The following CIAO3 variants were observed in gnomAD, a reference collection of about 807,000 sequenced individuals.
The protein encoded by CIAO3 is cytosolic iron-sulfur assembly component 3, also known as LET1 like/JFP15.
CIAO3 carries 45 observed loss-of-function variants against 51.5 expected under a neutral mutation model. The observed-to-expected ratio is 0.87, with a 90% CI of 0.69 to 1.12. The LOEUF is 1.12. CIAO3 is among the 50% of genes most tolerant of loss of function. CIAO3 has a pLI of 0.00. For synonymous variants in CIAO3, 314 were observed against 269.3 expected (o/e 1.17, Z -1.63); for missense variants, 668 against 632.5 (o/e 1.06, Z -0.60).
intron 2 of CIAO3, chr16:739,293 T>C (rs2041368897): frequency 7.2e-6 from 2 of 277,740 alleles, no homozygotes; most frequent in South Asian, 3.3e-5. Flanking sequence ...AGGGAGACTC[T>C]GTATCAAACA....
Position 737,502 on chromosome 16 carries a change from TAC to T in CIAO3, c.163-175_163-174del, listed in dbSNP as rs1406259651. The T allele has an allele frequency of 2.8e-5, 43 of 1,523,848 alleles. No individual in the cohort carries two copies. In the Middle Eastern group the frequency reaches 5.0e-4, roughly 18 times the overall value. 94.4% of individuals were successfully genotyped at this position (1,523,848 alleles called of 1,614,324 possible). ...ATTACAAAAATGCACACGCACGCTC[TAC>T]AGTTTCATAATGCCGTCAAGTCTGC... On this transcript the variant is annotated intron_variant, in intron 2 of 10. Transcript: ENST00000251588. This position sits in a 1 kb window ranked among gnomAD's most constrained non-coding sequence, Gnocchi z 5.3.
At chr16:740,793 G>T in intron 1 of CIAO3, 127 bp downstream of exon 1, 1 of 973,794 alleles carries the variant, frequency 1.0e-6, no homozygotes, top group African/African-American at 1.7e-5. Flanking sequence ...AGTCCCTGAC[G>T]GCCCAGACCG....
Position 737,280 on chromosome 16 carries a change from C to G in CIAO3, c.212G>C (p.Cys71Ser). The stretch of plus-strand genomic sequence containing the variant: ...GGTGATGCAGCCGCTGCACGCCAGG[C>G]AGTCGTTTAGCGAGACCTTGGCCTT... ...LEKAKVSLND[C>S]LACSGCITSA... The change falls in exon 3 of 11, where the codon TGC becomes TCC. Residue 71 changes from cysteine (C) to serine (S), a missense_variant. Cys to Ser is a moderately radical substitution (Grantham distance 112). Coordinates refer to ENST00000251588, the MANE Select transcript of CIAO3 (RefSeq NM_022493.3). This position sits in a 1 kb window ranked among gnomAD's most constrained non-coding sequence, Gnocchi z 5.3. The G allele has an allele frequency of 1.9e-6, 3 of 1,613,438 alleles. No individual in the cohort carries two copies. The highest frequency in any genetic ancestry group is 2.5e-6 in the Non-Finnish European group (3 of 1,179,992).
rs772838721 is a variant in CIAO3, at chr16:739,666, C to A, written c.139G>T (p.Gly47Trp). 1 of 1,614,134 alleles carries A rather than the reference C, an allele frequency of 6.2e-7. No homozygotes were observed. Among genetic ancestry groups the A allele is most frequent in the Non-Finnish European group, 8.5e-7 (1 of 1,180,028 alleles). ...GVAKIRIEDD[G>W]SYFQINQDGG... Reference sequence around the variant, plus strand: ...ACTTGGTTAATTTGGAAGTAGCTCCCGTCATCTTCAATGCGAATCTTGGCC... The same window carrying A: ...ACTTGGTTAATTTGGAAGTAGCTCCAGTCATCTTCAATGCGAATCTTGGCC... The change falls in exon 2 of 11, where the codon GGG becomes TGG. Residue 47 changes from glycine (G) to tryptophan (W), a missense_variant. Gly to Trp is a radical substitution (Grantham distance 184). Transcript: ENST00000251588.
chr16:737,662 G>C lies in CIAO3; in HGVS notation c.163-333C>G. On this transcript the variant is annotated intron_variant, in intron 2 of 10. Transcript: ENST00000251588. The surrounding 1 kb of genome is among the most constrained non-coding windows in gnomAD (Gnocchi z 5.3). ...GTGCTGGCCCCGGTGCACACTCACA[G>C]GGCTGTAGGGCAGGAAAATGCCGAA... 6 of 1,330,804 alleles carry C rather than the reference G, an allele frequency of 4.5e-6. No homozygotes were observed. Among genetic ancestry groups the C allele is most frequent in the Non-Finnish European group, 5.9e-6 (6 of 1,016,626 alleles). The allele number at this position is 1,330,804 out of a possible 1,614,324, so 82.4% of individuals were successfully genotyped here.
chr16:737,129 C>T lies in CIAO3; in HGVS notation c.306+57G>A, dbSNP rs1028544413. 53 of 1,603,126 alleles carry T rather than the reference C, an allele frequency of 3.3e-5. No individual in the cohort carries two copies. Among genetic ancestry groups the T allele is most frequent in the Admixed American group, 1.2e-4 (7 of 59,858 alleles). On this transcript the variant is annotated intron_variant, in intron 3 of 10. Coordinates refer to ENST00000251588, the MANE Select transcript of CIAO3 (RefSeq NM_022493.3). This position sits in a 1 kb window ranked among gnomAD's most constrained non-coding sequence, Gnocchi z 5.3. ...AGCTGCCCTTGGCAAAACGCGTTGT[C>T]GGCTGCTGGGATGGATTTCAGGTTA...
In CIAO3 at chr16:733,739, C is replaced by T. The variant is rs144630966; in HGVS notation, c.694-312G>A. 1,702 of 415,014 alleles carry T rather than the reference C, an allele frequency of 4.1e-3. 17 individuals are homozygous for T. Among genetic ancestry groups the T allele is most frequent in the Non-Finnish European group, 4.0e-3 (899 of 222,100 alleles). The allele number at this position is 415,014 out of a possible 1,614,324, so 25.7% of individuals were successfully genotyped here. On this transcript the variant is annotated intron_variant, in intron 6 of 10. Transcript: ENST00000251588. ...ACAGCAGCCGGGGAAACGGATGTCA[C>T]GGGGGAACCAACCAGCTCCAGCCCC...
intron 5 of CIAO3, 31 bp downstream of exon 5, chr16:734,706 G>C (rs1470588049): frequency 8.1e-6 from 13 of 1,612,668 alleles, no homozygotes; most frequent in Non-Finnish European, 1.1e-5. Flanking sequence ...ACTTGAACTT[G>C]ACTCTCCCAC....
At chr16:731,758 G>A (rs1415280162) in intron 8 of CIAO3, 56 bp from the exon 9 acceptor site, 18 of 1,485,784 alleles carry the variant, frequency 1.2e-5, no homozygotes, top group Non-Finnish European at 1.5e-5. Flanking sequence ...CCAACCTCCC[G>A]AGCAGGGCCT....
intron 1 of CIAO3, chr16:740,651 C>A: frequency 1.9e-6 from 1 of 516,312 alleles, no homozygotes; most frequent in Non-Finnish European, 3.4e-6. Context: ...GACCACGGGA[C>A]CCTCCCACGC....
chr16:732,923 A>C (rs968781266), intron 7 of CIAO3: 2 of 318,172 alleles, frequency 6.3e-6, no homozygotes, highest in African/African-American at 4.3e-5. Flanking sequence ...GGCGTGAGCC[A>C]CCATGCCCGG....
Position 729,969 on chromosome 16 carries a change from C to T in CIAO3, c.*448G>A. On this transcript the variant is annotated 3_prime_UTR_variant, in exon 11 of 11. Coordinates refer to ENST00000251588, the MANE Select transcript of CIAO3 (RefSeq NM_022493.3). ...ACACGCAGGGTTGTGGCGGGACCAC[C>T]CCTGCAGGTCCAGCTCTGTCTCCCA... 2.3e-5 allele frequency: 8 copies of T among 340,694 alleles called. No homozygotes were observed. The highest frequency in any genetic ancestry group is 1.8e-4 in the South Asian group (7 of 39,784). 21.1% of individuals were successfully genotyped at this position (340,694 alleles called of 1,614,324 possible).
At chr16:736,725 G>A (rs1382701383) in intron 3 of CIAO3, among the ~76,000 whole-genome samples, 3 of 152,002 alleles carry the variant, frequency 2.0e-5, no homozygotes, top group African/African-American at 4.8e-5. Flanking sequence ...GTGTAATGGC[G>A]CAATCTCGGC....
Position 737,150 on chromosome 16 carries a change from G to A in CIAO3, c.306+36C>T, listed in dbSNP as rs754823440. On this transcript the variant is annotated intron_variant, in intron 3 of 10. Coordinates refer to ENST00000251588, the MANE Select transcript of CIAO3 (RefSeq NM_022493.3). This position sits in a 1 kb window ranked among gnomAD's most constrained non-coding sequence, Gnocchi z 5.3. ...TTGTCGGCTGCTGGGATGGATTTCA[G>A]GTTAAAGCAGAGTCACCAGGCCGAC... 39 of 1,611,186 alleles carry A rather than the reference G, an allele frequency of 2.4e-5. No individual in the cohort carries two copies. The highest frequency in any genetic ancestry group is 3.3e-5 in the Non-Finnish European group (39 of 1,178,214).
Position 737,114 on chromosome 16 carries a change from G to T in CIAO3, c.306+72C>A. On this transcript the variant is annotated intron_variant, in intron 3 of 10. Transcript: ENST00000251588. This position sits in a 1 kb window ranked among gnomAD's most constrained non-coding sequence, Gnocchi z 5.3. ...CGTCGGCACCACACGAGCTGCCCTT[G>T]GCAAAACGCGTTGTCGGCTGCTGGG... is the stretch of plus-strand genomic sequence containing the variant. The T allele has an allele frequency of 6.3e-7, 1 of 1,597,612 alleles. No homozygotes were observed. The highest frequency in any genetic ancestry group is 1.1e-5 in the South Asian group (1 of 90,586).
At chr16:739,605 G>A (rs900711364) in intron 2 of CIAO3, 38 bp downstream of exon 2, 7 of 1,586,692 alleles carry the variant, frequency 4.4e-6, no homozygotes, top group African/African-American at 1.3e-5. Flanking sequence ...CGGATCAGCC[G>A]GGCAGGAGAG....
chr16:734,739 G>C lies in CIAO3; in HGVS notation c.572C>G (p.Pro191Arg). ...CACCACCCGCACCATGAGCACACCT[G>C]GGCAGGCAGAGGCCAGCAGGGGCAG... ...QALPLLASAC[P>R]GWICYAEKTH... The change falls in exon 5 of 11, where the codon CCA becomes CGA. Residue 191 changes from proline to arginine, a missense_variant and splice_region_variant. Physicochemically the swap from Pro to Arg is moderately radical, Grantham distance 103 (BLOSUM62 -2). Coordinates refer to ENST00000251588, the MANE Select transcript of CIAO3 (RefSeq NM_022493.3). The C allele has an allele frequency of 6.2e-7, 1 of 1,612,658 alleles. No homozygotes were observed. The highest frequency in any genetic ancestry group is 8.5e-7 in the Non-Finnish European group (1 of 1,179,768).
intron 3 of CIAO3, chr16:736,941 G>A (rs2041345049): frequency 1.9e-6 from 1 of 518,718 alleles, no homozygotes; most frequent in African/African-American, 1.9e-5. Context: ...TGGTATGACA[G>A]GCGTGAGCCC....
chr16:734,031 C>T (rs1198059209), intron 6 of CIAO3, 198 bp downstream of exon 6: 27 of 570,560 alleles, frequency 4.7e-5, no homozygotes, highest in Non-Finnish European at 7.6e-5. Flanking sequence ...GAGCAGTGAG[C>T]ACCTCTGGAT....
Sources: allele counts gnomAD v4.1 joint callset (sites outside exome capture counted in the v4.1 genomes callset), GRCh38; gene constraint gnomAD v4.1.1; non-coding constraint Gnocchi (gnomAD v3.1); transcripts MANE v1.5; gene names NCBI Gene and HGNC (gene_info 2026-07-23, HGNC 2026-07-21).